LRP1B: variants seen among roughly 807,000 people sequenced by gnomAD.
LRP1B encodes the protein low-density lipoprotein receptor-related protein 1B.
A neutral mutation model predicts 556.6 loss-of-function variants in LRP1B; 217 were observed. The observed-to-expected ratio is 0.39, with a 90% CI of 0.35 to 0.44. The LOEUF (loss-of-function observed/expected upper bound fraction) is 0.44, where lower values mean the gene tolerates loss of function less well. LRP1B is among the 20% of genes least tolerant of loss of function. The pLI, the probability that LRP1B is intolerant of heterozygous loss-of-function variation, is 1.00. For missense variants in LRP1B, 5,053 were observed against 5,620.8 expected (o/e 0.90, Z 3.23); for synonymous variants, 2,047 against 1,865.8 (o/e 1.10, Z -2.50).
intron 35 of LRP1B, among the ~76,000 whole-genome samples, chr2:140,729,453 A>G (rs1400203397): frequency 1.3e-5 from 2 of 152,184 alleles, no homozygotes; most frequent in South Asian, 2.1e-4. Flanking sequence ...TTATTTCCCA[A>G]CATGACTTTA....
chr2:141,458,418 G>C (rs1681719074), intron 3 of LRP1B, among the ~76,000 whole-genome samples: 1 of 152,142 alleles, frequency 6.6e-6, no homozygotes, highest in South Asian at 2.1e-4. Flanking sequence ...TTCATTGTCT[G>C]CATTTTGGCA....
chr2:140,446,304 A>G (rs1449995183), intron 63 of LRP1B, among the ~76,000 whole-genome samples: 1 of 152,144 alleles, frequency 6.6e-6, no homozygotes, highest in African/African-American at 2.4e-5. Context: ...CTGAGCTTCA[A>G]CTCTGTCTCT....
rs568639788 is a variant in LRP1B, at chr2:141,452,826, C to A, written c.343+27570G>T. ...CTTAGAGGGTAACCTACTTTTCTTA[C>A]CCCTCTTGTACCTCCTGGATGTAAC... On this transcript the variant is annotated intron_variant, in intron 3 of 90. Coordinates refer to ENST00000389484, the MANE Select transcript of LRP1B (RefSeq NM_018557.3). Among the ~76,000 whole-genome samples, 10 of 152,314 alleles carry A rather than the reference C, an allele frequency of 6.6e-5. No individual in the cohort carries two copies. In the East Asian group the frequency reaches 1.9e-3, roughly 29 times the overall value.
chr2:141,184,271 C>G (rs959513298), intron 7 of LRP1B, among the ~76,000 whole-genome samples: 1 of 152,034 alleles, frequency 6.6e-6, no homozygotes, highest in African/African-American at 2.4e-5. Flanking sequence ...GTTACATCTT[C>G]CCTTATGGTG....
chr2:140,915,421 G>T (rs543744049), intron 21 of LRP1B, among the ~76,000 whole-genome samples: 26 of 152,052 alleles, frequency 1.7e-4, no homozygotes, highest in Admixed American at 1.2e-3. Flanking sequence ...AGCCGAGGTG[G>T]GTGAATCACT....
intron 86 of LRP1B, among the ~76,000 whole-genome samples, chr2:140,250,991 A>G (rs1681388435): frequency 6.6e-6 from 1 of 151,746 alleles, no homozygotes; most frequent in South Asian, 2.1e-4. Flanking sequence ...TTATTTATTT[A>G]TTTTTTGTAA....
At chr2:142,100,065 G>T (rs1234046709) in intron 1 of LRP1B, among the ~76,000 whole-genome samples, 5 of 151,930 alleles carry the variant, frequency 3.3e-5, no homozygotes, top group Non-Finnish European at 7.4e-5. Context: ...CACAATGACT[G>T]TAAGTGGGGT....
intron 83 of LRP1B, among the ~76,000 whole-genome samples, chr2:140,311,295 C>T (rs1684289772): frequency 6.6e-6 from 1 of 151,740 alleles, no homozygotes; most frequent in African/African-American, 2.4e-5. Context: ...CAGCGAATGA[C>T]TGACTGGATA....
At chr2:141,767,841 C>T (rs1218949042) in intron 2 of LRP1B, among the ~76,000 whole-genome samples, 1 of 152,054 alleles carries the variant, frequency 6.6e-6, no homozygotes, top group African/African-American at 2.4e-5. Context: ...TTTTCTGTTC[C>T]ATGGCAATTT....
At position 140,894,256 on chromosome 2, in the gene LRP1B, A is replaced by G. The variant is rs1044921138; in HGVS notation, c.3767-7921T>C. 6.6e-5 allele frequency among the ~76,000 whole-genome samples: 10 copies of G among 152,276 alleles called. No homozygotes were observed. The South Asian group carries it at 2.1e-3, about 32-fold the overall frequency. On this transcript the variant is annotated intron_variant, in intron 23 of 90. Coordinates refer to ENST00000389484, the MANE Select transcript of LRP1B (RefSeq NM_018557.3). The stretch of plus-strand genomic sequence containing the variant: ...GGATCTGGATTTTCCTCCCTCTGTC[A>G]GTAAAAATACTATGTTTTTTTCCAG...
chr2:140,860,967 G>A (rs991511693), intron 27 of LRP1B, among the ~76,000 whole-genome samples: 23 of 148,100 alleles, frequency 1.6e-4, no homozygotes, highest in African/African-American at 5.3e-4. Flanking sequence ...CGAAGTAAGA[G>A]AATTGTGCAT....
chr2:140,345,660 GTATA>G (rs1021532495), intron 77 of LRP1B, among the ~76,000 whole-genome samples: 3 of 143,430 alleles, frequency 2.1e-5, no homozygotes, highest in East Asian at 4.0e-4. Context: ...ATGTGTGTGT[GTATA>G]TATATATATA....
intron 41 of LRP1B, among the ~76,000 whole-genome samples, chr2:140,657,650 T>TAC (rs1443617788): frequency 6.8e-6 from 1 of 147,936 alleles, no homozygotes; most frequent in African/African-American, 2.5e-5. Context: ...CATACATATA[T>TAC]ACATACATAT....
At chr2:140,772,218 T>A (rs1689336723) in intron 33 of LRP1B, among the ~76,000 whole-genome samples, 1 of 151,892 alleles carries the variant, frequency 6.6e-6, no homozygotes, top group African/African-American at 2.4e-5. Flanking sequence ...TCCAAGCTGA[T>A]GTATAACATT....
intron 7 of LRP1B, 36 bp from the exon 8 acceptor site, chr2:141,062,309 G>A (rs1424314982): frequency 5.5e-6 from 8 of 1,464,776 alleles, no homozygotes; most frequent in Non-Finnish European, 6.5e-6. Context: ...AGTGGAGGGT[G>A]GGGGAGGGAA....
At chr2:140,397,247 G>T (rs1684294942) in intron 66 of LRP1B, among the ~76,000 whole-genome samples, 1 of 152,054 alleles carries the variant, frequency 6.6e-6, no homozygotes, top group South Asian at 2.1e-4. Context: ...ACAGGTACAC[G>T]TGTGCCATTG....
At chr2:140,407,015 C>T (rs562966728) in intron 66 of LRP1B, among the ~76,000 whole-genome samples, 38 of 152,058 alleles carry the variant, frequency 2.5e-4, no homozygotes, top group African/African-American at 8.4e-4. Context: ...TAGAACAGAA[C>T]AAAGAATCCA....
chr2:141,259,951 T>C (rs1454797951), intron 3 of LRP1B, among the ~76,000 whole-genome samples: 3 of 152,210 alleles, frequency 2.0e-5, no homozygotes, highest in African/African-American at 7.2e-5. Context: ...TATAACAGAA[T>C]TTCTATTGTT....
intron 2 of LRP1B, among the ~76,000 whole-genome samples, chr2:141,624,865 G>A (rs922348507): frequency 4.6e-5 from 7 of 152,104 alleles, no homozygotes; most frequent in Non-Finnish European, 7.4e-5. Context: ...CGCCTCCCAG[G>A]TTCATTCCAT....
Sources: gnomAD v4.1 joint callset for allele counts (sites outside exome capture counted in the v4.1 genomes callset) on GRCh38, gnomAD v4.1.1 for gene constraint, MANE v1.5 for transcripts, NCBI Gene and HGNC (gene_info 2026-07-23, HGNC 2026-07-21) for gene names.